The following PTPRD variants were observed in gnomAD, a reference collection of about 807,000 sequenced individuals.
The protein encoded by PTPRD is protein tyrosine phosphatase receptor type D, also known as receptor-type tyrosine-protein phosphatase delta.
Under a neutral mutation model 214.5 loss-of-function variants are expected in PTPRD, and 34 were observed. The observed-to-expected ratio is 0.16, with a 90% CI of 0.12 to 0.21. The LOEUF (loss-of-function observed/expected upper bound fraction) is 0.21. Ranked by LOEUF, PTPRD falls within the 10% of genes least tolerant of loss-of-function variation. The pLI is 1.00. For missense variants in PTPRD, 2,545 were observed against 2,398.7 expected, an observed-to-expected ratio of 1.06 and a Z score of -1.27; for synonymous variants, 1,128 against 845.7, an observed-to-expected ratio of 1.33 and a Z score of -5.79.
At position 10,244,294 on chromosome 9, in the gene PTPRD, T is replaced by A. The variant is rs150342973; in HGVS notation, c.-545+96669A>T. On this transcript the variant is annotated intron_variant, in intron 3 of 45. Coordinates refer to ENST00000381196, the MANE Select transcript of PTPRD (RefSeq NM_002839.4). The stretch of plus-strand genomic sequence containing the variant: ...TTTGTTTCAATGCATCCTCATTAAA[T>A]TGTAATCTCCCCAAAAGCAGAGATA... 3.4e-3 allele frequency among the ~76,000 whole-genome samples: 517 copies of A among 152,234 alleles called. 3 individuals carry two copies. The highest frequency in any genetic ancestry group is 0.012 in the African/African-American group (496 of 41,566).
At chr9:9,036,869 C>T (rs1379656739) in intron 10 of PTPRD, among the ~76,000 whole-genome samples, 1 of 152,132 alleles carries the variant, frequency 6.6e-6, no homozygotes, top group Non-Finnish European at 1.5e-5. Flanking sequence ...AGGAACAAAG[C>T]AACAGAACAC....
intron 5 of PTPRD, among the ~76,000 whole-genome samples, chr9:9,795,372 G>GT (rs1216723368): frequency 6.6e-6 from 1 of 152,132 alleles, no homozygotes; most frequent in African/African-American, 2.4e-5. Context: ...TTGAAATACT[G>GT]TTATAGGGCT....
chr9:9,820,412 C>T (rs10739200), intron 5 of PTPRD, among the ~76,000 whole-genome samples: 19,249 of 151,984 alleles, frequency 0.13, 2,641 homozygotes, highest in East Asian at 0.74. Flanking sequence ...GGGTTGTAAA[C>T]ATTTTCTCTC....
intron 38 of PTPRD, 54 bp downstream of exon 38, chr9:8,376,553 C>T (rs1564390244): frequency 1.2e-6 from 2 of 1,608,906 alleles, no homozygotes; most frequent in East Asian, 2.2e-5. Flanking sequence ...TCAAAAGAAG[C>T]TTTCTTTAAA....
chr9:8,505,997 A>T (rs910034151), intron 22 of PTPRD, among the ~76,000 whole-genome samples: 9 of 152,340 alleles, frequency 5.9e-5, no homozygotes, highest in African/African-American at 2.2e-4. Flanking sequence ...TCAACTATAT[A>T]ACTTTTTGAG....
chr9:8,609,709 T>C (rs996088919), intron 14 of PTPRD, among the ~76,000 whole-genome samples: 1 of 152,208 alleles, frequency 6.6e-6, no homozygotes, highest in Non-Finnish European at 1.5e-5. Context: ...AGTTTATTTT[T>C]ACTAATAGCT....
Position 9,382,002 on chromosome 9 carries a change from A to G in PTPRD, c.-203+15447T>C, listed in dbSNP as rs928165698. Among the ~76,000 whole-genome samples the G allele has an allele frequency of 2.0e-5, 3 of 152,056 alleles. No homozygotes were observed. The East Asian group carries it at 5.8e-4, about 29-fold the overall frequency. On this transcript the variant is annotated intron_variant, in intron 9 of 45. Transcript: ENST00000381196. Reference sequence around the variant, plus strand: ...CATTTTAAAAACACCAAATTCTCCAATCCATGAACTCAGGACATCTTTCCA... The same window carrying G: ...CATTTTAAAAACACCAAATTCTCCAGTCCATGAACTCAGGACATCTTTCCA...
chr9:10,454,122 A>C (rs2098883294), intron 2 of PTPRD, among the ~76,000 whole-genome samples: 1 of 151,624 alleles, frequency 6.6e-6, no homozygotes, highest in African/African-American at 2.4e-5. Context: ...AAAATAGCAA[A>C]CTATACCTAC....
intron 3 of PTPRD, among the ~76,000 whole-genome samples, chr9:10,288,597 A>C (rs759234333): frequency 4.6e-5 from 7 of 152,230 alleles, no homozygotes; most frequent in Non-Finnish European, 1.0e-4. Context: ...TCTAGAGGCC[A>C]GGAAAGAACA....
intron 7 of PTPRD, among the ~76,000 whole-genome samples, chr9:9,727,404 C>T (rs1246693693): frequency 6.6e-6 from 1 of 152,180 alleles, no homozygotes; most frequent in East Asian, 1.9e-4. Context: ...GAGCCAAGAT[C>T]GCACCACTGC....
rs141728101 is a variant in PTPRD, at chr9:10,470,949, A to C, written c.-599-129932T>G. Among the ~76,000 whole-genome samples the C allele has an allele frequency of 4.0e-3, 611 of 152,278 alleles. 5 individuals carry two copies. The highest frequency in any genetic ancestry group is 0.014 in the African/African-American group (581 of 41,570). On this transcript the variant is annotated intron_variant, in intron 2 of 45. Transcript: ENST00000381196. Reference sequence around the variant, plus strand: ...ATAAAGAAAATGTGGCACATATACAAGATGGAATATTATGCAGCCATAAAA... The same window carrying C: ...ATAAAGAAAATGTGGCACATATACACGATGGAATATTATGCAGCCATAAAA...
chr9:8,516,551 G>A (rs10815896), intron 21 of PTPRD, among the ~76,000 whole-genome samples: 1 of 151,930 alleles, frequency 6.6e-6, no homozygotes, highest in Non-Finnish European at 1.5e-5. Context: ...GTGATTCACA[G>A]GTATCAGTGA....
rs75240273 is a variant in PTPRD, at chr9:8,677,458, G to A, written c.65-40614C>T. Among the ~76,000 whole-genome samples, 631 of 152,230 alleles carry A rather than the reference G, an allele frequency of 4.1e-3. 4 individuals carry two copies. The highest frequency in any genetic ancestry group is 0.014 in the African/African-American group (594 of 41,542). Reference sequence around the variant, plus strand: ...ACACCTCAAGTTCTCACTTATAAACGGGAGCTAAACATTGAGTACACACAA... The same window carrying A: ...ACACCTCAAGTTCTCACTTATAAACAGGAGCTAAACATTGAGTACACACAA... On this transcript the variant is annotated intron_variant, in intron 12 of 45. Transcript: ENST00000381196.
At chr9:9,577,760 A>T (rs1193368115) in intron 7 of PTPRD, among the ~76,000 whole-genome samples, 1 of 151,772 alleles carries the variant, frequency 6.6e-6, no homozygotes, top group Non-Finnish European at 1.5e-5. Flanking sequence ...AATAAATTGG[A>T]TCAGTCCGGG....
At position 9,327,523 on chromosome 9, in the gene PTPRD, A is replaced by C. The variant is rs970594985; in HGVS notation, c.-203+69926T>G. On this transcript the variant is annotated intron_variant, in intron 9 of 45. Coordinates refer to ENST00000381196, the MANE Select transcript of PTPRD (RefSeq NM_002839.4). ...GAAGTACATGAAAATATAAGTAGCA[A>C]AGCACATAGTATAAAAAGAAGCACT... 3.3e-5 allele frequency among the ~76,000 whole-genome samples: 5 copies of C among 152,144 alleles called. 1 individual carries two copies. The South Asian group carries it at 1.0e-3, about 31-fold the overall frequency.
At chr9:10,606,652 A>C (rs1591881109) in intron 2 of PTPRD, among the ~76,000 whole-genome samples, 1 of 151,456 alleles carries the variant, frequency 6.6e-6, no homozygotes, top group East Asian at 1.9e-4. Flanking sequence ...CCTTTATCTT[A>C]ACTGAGCAAG....
intron 3 of PTPRD, among the ~76,000 whole-genome samples, chr9:10,159,194 A>G (rs911655872): frequency 6.6e-6 from 1 of 152,200 alleles, no homozygotes; most frequent in East Asian, 1.9e-4. Context: ...AAAGGAAAAA[A>G]AGAAATAATA....
intron 2 of PTPRD, among the ~76,000 whole-genome samples, chr9:10,531,704 C>T (rs954608550): frequency 1.3e-5 from 2 of 152,126 alleles, no homozygotes; most frequent in Non-Finnish European, 2.9e-5. Context: ...TTTCTACATG[C>T]CATGGCTCAA....
intron 9 of PTPRD, among the ~76,000 whole-genome samples, chr9:9,214,342 C>A (rs572862404): frequency 6.6e-6 from 1 of 152,344 alleles, no homozygotes; most frequent in South Asian, 2.1e-4. Flanking sequence ...ACAAATTTCA[C>A]AACAAATTGC....
Sources: gnomAD v4.1 joint callset for allele counts (sites outside exome capture counted in the v4.1 genomes callset) on GRCh38, gnomAD v4.1.1 for gene constraint, MANE v1.5 for transcripts, NCBI Gene and HGNC (gene_info 2026-07-23, HGNC 2026-07-21) for gene names.